The following MYO3B variants were observed in gnomAD, a reference collection of about 807,000 sequenced individuals.
MYO3B encodes the protein myosin-IIIb.
Under a neutral mutation model 174.6 loss-of-function variants are expected in MYO3B, and 156 were observed. That is an observed-to-expected ratio of 0.89 (90% CI 0.78 to 1.02). MYO3B has a LOEUF of 1.02. Among genes scored for constraint, MYO3B ranks in the 50% least tolerant of loss-of-function variants. The pLI is 0.00. For synonymous variants in MYO3B, 563 were observed against 569.1 expected, an observed-to-expected ratio of 0.99 and a Z score of 0.15; for missense variants, 1,632 against 1,639.4, an observed-to-expected ratio of 1.00 and a Z score of 0.08.
At chr2:170,305,926 A>G (rs910499035) in intron 7 of MYO3B, among the ~76,000 whole-genome samples, 1 of 152,038 alleles carries the variant, frequency 6.6e-6, no homozygotes, top group Non-Finnish European at 1.5e-5. Context: ...TAAACATTTT[A>G]TTGCATGTTA....
intron 25 of MYO3B, among the ~76,000 whole-genome samples, chr2:170,472,063 T>G (rs995334264): frequency 6.6e-6 from 1 of 151,822 alleles, no homozygotes; most frequent in African/African-American, 2.4e-5. Context: ...CTCTCTTCTA[T>G]TCTTTTCTCT....
chr2:170,498,700 A>G lies in MYO3B; in HGVS notation c.3123A>G (p.Thr1041=). 3 of 1,582,636 alleles carry G rather than the reference A, an allele frequency of 1.9e-6. No homozygotes were observed. Among genetic ancestry groups the G allele is most frequent in the Non-Finnish European group, 2.6e-6 (3 of 1,151,662 alleles). ...TAGATCACTGGGTACTGGGAAAAAC[A>G]AAGGTAGTTCGTTCTTTATTGTTCA... ...SRLDHWVLGK[T]KVFLKYYHVE... is the part of the protein sequence containing the mutation. The change falls in exon 26 of 35, where the codon ACA becomes ACG. Residue 1041 remains threonine, a synonymous_variant. Transcript: ENST00000408978.
rs1321549709 is a variant in MYO3B at position 170,654,576 on chromosome 2, A to G, written c.*1455A>G. 2 of 149,572 alleles carry G rather than the reference A, an allele frequency of 1.3e-5. No individual in the cohort carries two copies. Among genetic ancestry groups the G allele is most frequent in the African/African-American group, 2.5e-5 (1 of 40,418 alleles). The allele number at this position is 149,572 out of a possible 1,614,324, so 9.3% of individuals were successfully genotyped here. Reference sequence around the variant, plus strand: ...CGCAGGAGAATCACTTGAACCCGGGAAGCAAAGGTTGCAGTCAGCTGAGAG... The same window carrying G: ...CGCAGGAGAATCACTTGAACCCGGGGAGCAAAGGTTGCAGTCAGCTGAGAG... On this transcript the variant is annotated 3_prime_UTR_variant, in exon 35 of 35. Coordinates refer to ENST00000408978, the MANE Select transcript of MYO3B (RefSeq NM_138995.5).
At chr2:170,253,047 G>A (rs2093270214) in intron 7 of MYO3B, among the ~76,000 whole-genome samples, 1 of 152,164 alleles carries the variant, frequency 6.6e-6, no homozygotes, top group African/African-American at 2.4e-5. Context: ...ATTAGGGTTT[G>A]GAGTGGAAAA....
At position 170,412,788 on chromosome 2, in the gene MYO3B, A is replaced by G. The variant is rs550640340; in HGVS notation, c.2650+4944A>G. Among the ~76,000 whole-genome samples the G allele has an allele frequency of 2.6e-5, 4 of 152,340 alleles. No individual in the cohort carries two copies. In the East Asian group the frequency reaches 7.7e-4, roughly 29 times the overall value. ...AGGGTCTAGCAGATGAGCTGAATCT[A>G]ATTGACAAAATTTCAGGGCCACAGA... On this transcript the variant is annotated intron_variant, in intron 22 of 34. Transcript: ENST00000408978.
chr2:170,248,692 C>G (rs1263795662), intron 7 of MYO3B, among the ~76,000 whole-genome samples: 1 of 152,206 alleles, frequency 6.6e-6, no homozygotes, highest in Non-Finnish European at 1.5e-5. Flanking sequence ...CACTCTGACA[C>G]TGTATCTTGT....
chr2:170,241,551 A>G (rs1429513083), intron 7 of MYO3B, among the ~76,000 whole-genome samples: 3 of 152,184 alleles, frequency 2.0e-5, no homozygotes, highest in Non-Finnish European at 4.4e-5. Context: ...TTTGCTGTCA[A>G]GGAGCACATC....
intron 32 of MYO3B, among the ~76,000 whole-genome samples, chr2:170,613,011 G>T (rs766093552): frequency 1.1e-4 from 16 of 152,150 alleles, no homozygotes; most frequent in Non-Finnish European, 2.1e-4. Flanking sequence ...CTCAGCTTAG[G>T]GTGTGGACTG....
At chr2:170,452,234 A>G (rs997465347) in intron 23 of MYO3B, among the ~76,000 whole-genome samples, 3 of 152,230 alleles carry the variant, frequency 2.0e-5, no homozygotes, top group African/African-American at 7.2e-5. Context: ...CGTAAAACCA[A>G]ACAAAGCCTT....
At chr2:170,547,018 A>G (rs1198344285) in intron 32 of MYO3B, among the ~76,000 whole-genome samples, 1 of 152,170 alleles carries the variant, frequency 6.6e-6, no homozygotes, top group Non-Finnish European at 1.5e-5. Flanking sequence ...GGCTGTCTTC[A>G]GAGTATAAGA....
chr2:170,537,221 AAC>A lies in MYO3B; in HGVS notation c.3576-5683_3576-5682del, dbSNP rs1445751843. On this transcript the variant is annotated intron_variant, in intron 30 of 34. Coordinates refer to ENST00000408978, the MANE Select transcript of MYO3B (RefSeq NM_138995.5). Reference sequence around the variant, plus strand: ...GTCTCAAAAAAAAAAAAAAACAAAAAACAAAAAGTATCCTGGTCTCAGGAGGC... The same window carrying A: ...GTCTCAAAAAAAAAAAAAAACAAAAAAAAAAGTATCCTGGTCTCAGGAGGC... 6.6e-3 allele frequency among the ~76,000 whole-genome samples: 973 copies of A among 147,118 alleles called. 12 individuals carry two copies. Among genetic ancestry groups the A allele is most frequent in the Middle Eastern group, 0.014 (4 of 284 alleles).
intron 3 of MYO3B, among the ~76,000 whole-genome samples, chr2:170,202,237 T>A (rs1375103341): frequency 6.6e-6 from 1 of 152,224 alleles, no homozygotes; most frequent in Non-Finnish European, 1.5e-5. Context: ...GAAGCTGCCC[T>A]GAGACACTGA....
intron 30 of MYO3B, among the ~76,000 whole-genome samples, chr2:170,530,555 G>A (rs147037887): frequency 6.5e-4 from 99 of 152,308 alleles, no homozygotes; most frequent in African/African-American, 2.3e-3. Flanking sequence ...GGCCGCTCTC[G>A]GGTGCAGGGA....
chr2:170,256,004 A>T (rs927411907), intron 7 of MYO3B, among the ~76,000 whole-genome samples: 2 of 152,246 alleles, frequency 1.3e-5, no homozygotes, highest in Admixed American at 6.5e-5. Flanking sequence ...ATACAGTGGA[A>T]GCCTGAACAA....
chr2:170,399,681 G>T (rs1297534721), intron 16 of MYO3B, among the ~76,000 whole-genome samples: 4 of 152,120 alleles, frequency 2.6e-5, no homozygotes, highest in Non-Finnish European at 4.4e-5. Context: ...TTCAAAAGAG[G>T]TTAAGGAAAC....
intron 22 of MYO3B, among the ~76,000 whole-genome samples, chr2:170,417,524 C>A (rs1270719681): frequency 6.6e-6 from 1 of 152,242 alleles, no homozygotes; most frequent in African/African-American, 2.4e-5. Flanking sequence ...CAGAACACCA[C>A]AAACAACAGA....
At chr2:170,369,159 A>G (rs2094220367) in intron 8 of MYO3B, 63 bp from the exon 9 acceptor site, 1 of 1,501,032 alleles carries the variant, frequency 6.7e-7, no homozygotes, top group Non-Finnish European at 9.1e-7. Flanking sequence ...CATCTCCCAT[A>G]TTCATAGGGG....
chr2:170,425,323 C>A (rs115815739), intron 22 of MYO3B, among the ~76,000 whole-genome samples: 1,985 of 152,220 alleles, frequency 0.013, 56 homozygotes, highest in African/African-American at 0.045. Flanking sequence ...TTGGTGCCAA[C>A]GTGTTGTGTG....
intron 32 of MYO3B, among the ~76,000 whole-genome samples, chr2:170,576,120 T>C (rs1460044154): frequency 6.6e-6 from 1 of 152,172 alleles, no homozygotes; most frequent in Non-Finnish European, 1.5e-5. Flanking sequence ...TGTTAACCTA[T>C]ATTAGAGAAC....
Sources: allele counts gnomAD v4.1 joint callset (sites outside exome capture counted in the v4.1 genomes callset), GRCh38; gene constraint gnomAD v4.1.1; transcripts MANE v1.5; gene names NCBI Gene and HGNC (gene_info 2026-07-23, HGNC 2026-07-21).